Variants in RALGPS1 observed in about 807,000 individuals in gnomAD.
RALGPS1 encodes the protein ras-specific guanine nucleotide-releasing factor RalGPS1.
RALGPS1 carries 19 observed loss-of-function variants against 78.8 expected under a neutral mutation model. The observed-to-expected ratio is 0.24, with a 90% CI of 0.17 to 0.35. The LOEUF is 0.35. Ranked by LOEUF, RALGPS1 falls within the 10% of genes least tolerant of loss-of-function variation. The pLI is 1.00. For missense variants in RALGPS1, 454 were observed against 688.3 expected (o/e 0.66, Z 3.81); for synonymous variants, 228 against 256.3 (o/e 0.89, Z 1.06).
At chr9:126,936,201 A>T (rs1206111776) in intron 1 of RALGPS1, among the ~76,000 whole-genome samples, 1 of 152,198 alleles carries the variant, frequency 6.6e-6, no homozygotes, top group Non-Finnish European at 1.5e-5. Context: ...GAGAACCTGC[A>T]CTCACTGACA....
chr9:126,999,317 AC>A (rs1432890031), intron 4 of RALGPS1, among the ~76,000 whole-genome samples: 9 of 152,132 alleles, frequency 5.9e-5, no homozygotes, highest in African/African-American at 2.2e-4. Flanking sequence ...TGAAGACCCT[AC>A]ACTGATACAG....
intron 4 of RALGPS1, among the ~76,000 whole-genome samples, chr9:126,982,901 TTTC>T (rs1174434563): frequency 0.031 from 3,151 of 102,526 alleles, 227 homozygotes; most frequent in East Asian, 0.055. Context: ...CTTCTCTTCT[TTTC>T]TTCTTCTTCT....
intron 8 of RALGPS1, among the ~76,000 whole-genome samples, chr9:127,144,087 G>A (rs1302582028): frequency 1.3e-5 from 2 of 152,180 alleles, no homozygotes; most frequent in African/African-American, 4.8e-5. Flanking sequence ...GGAACCCTCA[G>A]CCTTGTTCCT....
At chr9:127,207,130 A>G (rs1407202187) in intron 14 of RALGPS1, among the ~76,000 whole-genome samples, 1 of 151,300 alleles carries the variant, frequency 6.6e-6, no homozygotes, top group Non-Finnish European at 1.5e-5. Flanking sequence ...TCCTCATTTC[A>G]TCCTCCCACT....
At chr9:127,167,565 AT>A (rs1564705422) in intron 9 of RALGPS1, among the ~76,000 whole-genome samples, 2 of 152,024 alleles carry the variant, frequency 1.3e-5, no homozygotes, top group African/African-American at 4.8e-5. Flanking sequence ...CTGGCATTTC[AT>A]GAGAGCCCAG....
rs140439129 is a variant in RALGPS1 at position 127,018,205 on chromosome 9, T to C, written c.217-16226T>C. On this transcript the variant is annotated intron_variant, in intron 4 of 18. Coordinates refer to ENST00000259351, the MANE Select transcript of RALGPS1 (RefSeq NM_014636.3). The stretch of plus-strand genomic sequence containing the variant: ...ACTCCAGCCTGAGTGACAGCAAGAC[T>C]CCGTCTCAAACAAAACAAAACAAAA... 2.7e-3 allele frequency among the ~76,000 whole-genome samples: 412 copies of C among 151,208 alleles called. 1 individual carries two copies. The highest frequency in any genetic ancestry group is 9.4e-3 in the African/African-American group (385 of 41,104).
chr9:127,196,760 C>A (rs1055947500), intron 13 of RALGPS1, 129 bp downstream of exon 13: 2 of 1,149,848 alleles, frequency 1.7e-6, no homozygotes, highest in African/African-American at 1.6e-5. Context: ...TGGCCCCTCA[C>A]CTCCCTGCAG....
At chr9:127,041,031 T>TGTGTGTG (rs71493874) in intron 5 of RALGPS1, among the ~76,000 whole-genome samples, 1 of 135,718 alleles carries the variant, frequency 7.4e-6, no homozygotes, top group African/African-American at 2.7e-5. Context: ...CTACAAACAT[T>TGTGTGTG]TGTGTGTGTG....
At position 126,972,263 on chromosome 9, in the gene RALGPS1, G is replaced by A. The variant is rs76702033; in HGVS notation, c.166-5432G>A. ...ATTGCAAATGATTGAAACTCATCAA[G>A]CAATGGGTCACCTTTTGATGATAAT... On this transcript the variant is annotated intron_variant, in intron 3 of 18. Coordinates refer to ENST00000259351, the MANE Select transcript of RALGPS1 (RefSeq NM_014636.3). Among the ~76,000 whole-genome samples, 36 of 152,258 alleles carry A rather than the reference G, an allele frequency of 2.4e-4. No individual in the cohort carries two copies. In the East Asian group the frequency reaches 6.0e-3, roughly 25 times the overall value.
At chr9:126,980,786 C>T (rs901197595) in intron 4 of RALGPS1, among the ~76,000 whole-genome samples, 1 of 152,222 alleles carries the variant, frequency 6.6e-6, no homozygotes, top group Non-Finnish European at 1.5e-5. Flanking sequence ...CCCTAGAGCT[C>T]AAGCTCTCAG....
intron 9 of RALGPS1, among the ~76,000 whole-genome samples, chr9:127,167,278 T>C (rs987185917): frequency 1.3e-5 from 2 of 151,796 alleles, no homozygotes; most frequent in African/African-American, 2.4e-5. Flanking sequence ...AGGGTGGGGG[T>C]TCCCACACTT....
chr9:127,187,569 C>T (rs1488216493), intron 11 of RALGPS1, among the ~76,000 whole-genome samples: 1 of 152,220 alleles, frequency 6.6e-6, no homozygotes, highest in African/African-American at 2.4e-5. Flanking sequence ...ATTATTACTA[C>T]CACAACACCA....
intron 8 of RALGPS1, among the ~76,000 whole-genome samples, chr9:127,158,920 G>A (rs2058853287): frequency 6.6e-6 from 1 of 151,440 alleles, no homozygotes; most frequent in Non-Finnish European, 1.5e-5. Context: ...ACAGAGAAGG[G>A]GGTGGAATTG....
intron 4 of RALGPS1, among the ~76,000 whole-genome samples, chr9:127,016,436 G>T (rs1243644170): frequency 4.6e-5 from 7 of 152,224 alleles, no homozygotes; most frequent in African/African-American, 1.7e-4. Flanking sequence ...AACTCCTGCA[G>T]TGGGATGGGC....
At chr9:127,180,351 G>A (rs775083047) in intron 11 of RALGPS1, among the ~76,000 whole-genome samples, 60 of 152,322 alleles carry the variant, frequency 3.9e-4, no homozygotes, top group African/African-American at 1.3e-3. Context: ...TTCTGTGCTC[G>A]CACTGTGAGG....
intron 8 of RALGPS1, among the ~76,000 whole-genome samples, chr9:127,080,695 G>A (rs1409891088): frequency 6.6e-6 from 1 of 152,174 alleles, no homozygotes; most frequent in Non-Finnish European, 1.5e-5. Flanking sequence ...TTGTCTAGCT[G>A]TGTCCCAACT....
intron 7 of RALGPS1, 46 bp downstream of exon 7, chr9:127,052,985 T>C (rs1394085117): frequency 3.1e-6 from 4 of 1,294,310 alleles, no homozygotes; most frequent in African/African-American, 2.9e-5. Context: ...TATCATTTCA[T>C]TGGTGAAGTT....
At chr9:127,094,277 G>C (rs973520412) in intron 8 of RALGPS1, among the ~76,000 whole-genome samples, 4 of 152,112 alleles carry the variant, frequency 2.6e-5, no homozygotes, top group Non-Finnish European at 5.9e-5. Flanking sequence ...AGATCATTTG[G>C]GGGAAGTTGC....
In RALGPS1 at chr9:126,937,421, G is replaced by A. The variant is rs532842222; in HGVS notation, c.-66+22446G>A. On this transcript the variant is annotated intron_variant, in intron 1 of 18. Transcript: ENST00000259351. ...CATTGTGTTACAGAAGGAGAGATAA[G>A]GGTTCAGTTTTGACTATTGGAGATC... Among the ~76,000 whole-genome samples the A allele has an allele frequency of 2.0e-5, 3 of 152,294 alleles. No homozygotes were observed. In the South Asian group the frequency reaches 6.2e-4, roughly 32 times the overall value.
Sources: allele counts gnomAD v4.1 joint callset (sites outside exome capture counted in the v4.1 genomes callset), GRCh38; gene constraint gnomAD v4.1.1; transcripts MANE v1.5; gene names NCBI Gene and HGNC (gene_info 2026-07-23, HGNC 2026-07-21).